Variants in CLIP2 observed in about 807,000 individuals in gnomAD.
CLIP2 encodes the protein CAP-Gly domain containing linker protein 2.
In CLIP2, 41 loss-of-function variants were observed where a neutral mutation model predicts 111.7. That is an observed-to-expected ratio of 0.37 (90% CI 0.29 to 0.48). The LOEUF is 0.48. Ranked by LOEUF, CLIP2 falls within the 20% of genes least tolerant of loss-of-function variation. The pLI, the probability that CLIP2 is intolerant of heterozygous loss-of-function variation, is 0.99. For synonymous variants in CLIP2, 660 were observed against 644.2 expected (o/e 1.02, Z -0.37); for missense variants, 1,160 against 1,422.1 (o/e 0.82, Z 2.96).
intron 2 of CLIP2, among the ~76,000 whole-genome samples, chr7:74,330,545 C>CCA (rs1789250524): frequency 6.6e-6 from 1 of 152,010 alleles, no homozygotes; most frequent in East Asian, 1.9e-4. Context: ...GTGTGAGCCA[C>CCA]CACACCCAGC....
intron 1 of CLIP2, among the ~76,000 whole-genome samples, chr7:74,302,066 C>CT (rs1181280717): frequency 6.6e-6 from 1 of 152,010 alleles, no homozygotes; most frequent in Non-Finnish European, 1.5e-5. Context: ...AGCGTTGGAC[C>CT]TTTTTTTGTG....
At chr7:74,369,641 G>A (rs568418820) in intron 8 of CLIP2, among the ~76,000 whole-genome samples, 1 of 151,988 alleles carries the variant, frequency 6.6e-6, no homozygotes, top group Admixed American at 6.6e-5. Flanking sequence ...CGGATCATTC[G>A]AGGTCAGGAG....
At chr7:74,391,630 G>C (rs577795179) in intron 13 of CLIP2, among the ~76,000 whole-genome samples, 1 of 152,042 alleles carries the variant, frequency 6.6e-6, no homozygotes, top group African/African-American at 2.4e-5. Flanking sequence ...GACCAGCCTG[G>C]TCAACATGGC....
At chr7:74,389,588 TA>T (rs149173666) in intron 13 of CLIP2, among the ~76,000 whole-genome samples, 1,467 of 104,468 alleles carry the variant, frequency 0.014, 29 homozygotes, top group African/African-American at 0.047. Flanking sequence ...CCCCTATCTC[TA>T]AAAAAAAAAA....
At chr7:74,293,400 C>A (rs1788081591) in intron 1 of CLIP2, among the ~76,000 whole-genome samples, 1 of 152,112 alleles carries the variant, frequency 6.6e-6, no homozygotes, top group African/African-American at 2.4e-5. Flanking sequence ...GGCTCCGTCT[C>A]CTTGGGTTGT....
At chr7:74,345,073 C>T (rs1350626818) in intron 3 of CLIP2, among the ~76,000 whole-genome samples, 2 of 152,108 alleles carry the variant, frequency 1.3e-5, no homozygotes, top group Non-Finnish European at 2.9e-5. Flanking sequence ...TAACAGTACC[C>T]GCCTCATGGA....
chr7:74,373,075 C>A, intron 9 of CLIP2, 39 bp downstream of exon 9: 1 of 1,417,446 alleles, frequency 7.1e-7, no homozygotes, highest in Non-Finnish European at 9.7e-7. Flanking sequence ...CGCCAGCCAC[C>A]TTGCCCTTTG....
intron 13 of CLIP2, among the ~76,000 whole-genome samples, chr7:74,394,245 ATTT>A (rs56651501): frequency 8.5e-6 from 1 of 117,406 alleles, no homozygotes. Flanking sequence ...TTTTCTTCTT[ATTT>A]TTTTTTTTTT....
chr7:74,385,953 G>T (rs1448102279), intron 11 of CLIP2, among the ~76,000 whole-genome samples: 3 of 151,358 alleles, frequency 2.0e-5, no homozygotes, highest in Non-Finnish European at 4.4e-5. Flanking sequence ...TGTTGGTCAG[G>T]CTGGTCTCGA....
intron 1 of CLIP2, among the ~76,000 whole-genome samples, chr7:74,291,497 G>A (rs1366081922): frequency 3.3e-5 from 5 of 152,222 alleles, no homozygotes; most frequent in Admixed American, 6.5e-5. Flanking sequence ...CTTGCACATT[G>A]CATCTCTCTC....
chr7:74,395,765 C>T (rs951796525), intron 13 of CLIP2, among the ~76,000 whole-genome samples: 3 of 152,174 alleles, frequency 2.0e-5, no homozygotes, highest in Non-Finnish European at 2.9e-5. Context: ...GCTTTGGTGA[C>T]AGTGATGTCA....
chr7:74,316,324 A>G (rs1788772942), intron 1 of CLIP2, among the ~76,000 whole-genome samples: 1 of 152,010 alleles, frequency 6.6e-6, no homozygotes, highest in Non-Finnish European at 1.5e-5. Flanking sequence ...AGCTCACTGC[A>G]GCCTTGGCCT....
intron 7 of CLIP2, among the ~76,000 whole-genome samples, chr7:74,363,467 C>T (rs1475204597): frequency 6.6e-6 from 1 of 152,150 alleles, no homozygotes; most frequent in Non-Finnish European, 1.5e-5. Context: ...GGTCTCTGAC[C>T]CCCAGTTTTG....
intron 6 of CLIP2, among the ~76,000 whole-genome samples, chr7:74,357,945 C>CG (rs1175354335): frequency 1.3e-5 from 2 of 150,408 alleles, no homozygotes; most frequent in South Asian, 2.1e-4. Context: ...TTAGTAGAGA[C>CG]GGGGTTTCAC....
intron 8 of CLIP2, 41 bp downstream of exon 8, chr7:74,364,356 G>C: frequency 6.4e-7 from 1 of 1,570,072 alleles, no homozygotes. Context: ...ACTTAGCACC[G>C]GTGCCTGGCC....
chr7:74,343,135 C>T (rs1301145223), intron 3 of CLIP2, among the ~76,000 whole-genome samples: 11 of 151,562 alleles, frequency 7.3e-5, no homozygotes, highest in African/African-American at 2.7e-4. Context: ...TTGCAGTGAG[C>T]TGAGATGGTG....
chr7:74,338,681 A>G lies in CLIP2; in HGVS notation c.355A>G (p.Lys119Glu), dbSNP rs1184490961. 1 of 1,581,874 alleles carries G rather than the reference A, an allele frequency of 6.3e-7. No homozygotes were observed. Among genetic ancestry groups the G allele is most frequent in the African/African-American group, 1.3e-5 (1 of 74,300 alleles). ...CGTGGTGCTGGACGACCCGGTGGGCAAGAATGATGGCGCGGTGGGCGGCGT... is the reference window on the plus strand; with the variant it reads ...CGTGGTGCTGGACGACCCGGTGGGCGAGAATGATGGCGCGGTGGGCGGCGT... ...AGVVLDDPVG[K>E]NDGAVGGVRY... Residue 119 changes from lysine to glutamate, a missense_variant, in exon 3 of 17, where the codon AAG (lysine) becomes GAG (glutamate). By Grantham distance (56) the Lys-to-Glu change is moderately conservative (BLOSUM62 1). Transcript: ENST00000223398. The surrounding 1 kb of genome is among the most constrained non-coding windows in gnomAD (Gnocchi z 4.3).
intron 2 of CLIP2, among the ~76,000 whole-genome samples, chr7:74,333,029 C>T (rs529773667): frequency 6.6e-6 from 1 of 152,316 alleles, no homozygotes; most frequent in Non-Finnish European, 1.5e-5. Flanking sequence ...TTATCCCCAC[C>T]GGCTGCAGGA....
chr7:74,389,302 GGCCCTT>G, intron 13 of CLIP2, 43 bp downstream of exon 13: 1 of 1,507,680 alleles, frequency 6.6e-7, no homozygotes, highest in Non-Finnish European at 8.9e-7. Flanking sequence ...CTGTGGCCCT[GGCCCTT>G]GCTCCTCTTC....
Sources: allele counts gnomAD v4.1 joint callset (sites outside exome capture counted in the v4.1 genomes callset), GRCh38; gene constraint gnomAD v4.1.1; non-coding constraint Gnocchi (gnomAD v3.1); transcripts MANE v1.5; gene names NCBI Gene and HGNC (gene_info 2026-07-23, HGNC 2026-07-21).